The following B4GALT6 variants were observed in gnomAD, a reference collection of about 807,000 sequenced individuals.
The protein encoded by B4GALT6 is beta-1,4-galactosyltransferase 6.
A neutral mutation model predicts 46.3 loss-of-function variants in B4GALT6; 14 were observed. That is an observed-to-expected ratio of 0.30 (90% CI 0.20 to 0.47). The LOEUF is 0.47. B4GALT6 is among the 20% of genes least tolerant of loss of function. The pLI, the probability that B4GALT6 is intolerant of heterozygous loss-of-function variation, is 0.99. For synonymous variants in B4GALT6, 168 were observed against 162.0 expected, an observed-to-expected ratio of 1.04 and a Z score of -0.28; for missense variants, 386 against 480.1, an observed-to-expected ratio of 0.80 and a Z score of 1.83.
At chr18:31,715,535 GTCTT>G in the B4GALT6 span, among the ~76,000 whole-genome samples, 5 of 94,418 alleles carry the variant, frequency 5.3e-5, no homozygotes, top group South Asian at 4.0e-4. Flanking sequence ...GTCTGGAACT[GTCTT>G]TTTTTTTTTT....
intron 6 of B4GALT6, 117 bp downstream of exon 6, chr18:31,630,842 T>A: frequency 1.8e-6 from 2 of 1,105,140 alleles, no homozygotes; most frequent in Non-Finnish European, 2.6e-6. Context: ...GAGTTAAAGA[T>A]GATATTCTTG....
chr18:31,678,876 C>A (rs914303939), intron 1 of B4GALT6, among the ~76,000 whole-genome samples: 6 of 152,224 alleles, frequency 3.9e-5, no homozygotes, highest in African/African-American at 1.4e-4. Context: ...CAGCTAGAAC[C>A]ATCAGAGATG....
At chr18:31,714,539 T>G in the B4GALT6 span, among the ~76,000 whole-genome samples, 6 of 152,210 alleles carry the variant, frequency 3.9e-5, no homozygotes, top group Non-Finnish European at 8.8e-5. Context: ...GCTTTGGGAC[T>G]CTGGGACTTA....
intron 2 of B4GALT6, among the ~76,000 whole-genome samples, chr18:31,660,676 T>C (rs376936018): frequency 2.0e-5 from 3 of 150,770 alleles, no homozygotes; most frequent in Non-Finnish European, 4.4e-5. Context: ...AGAAAAAGAA[T>C]TGAAAAACGA....
rs1456894260 is a variant in B4GALT6, at chr18:31,634,012, T to C, written c.589-2866A>G. 2.6e-5 allele frequency among the ~76,000 whole-genome samples: 4 copies of C among 152,238 alleles called. No individual in the cohort carries two copies. In the East Asian group the frequency reaches 7.7e-4, roughly 29 times the overall value. On this transcript the variant is annotated intron_variant, in intron 5 of 8. Transcript: ENST00000306851. ...AAAGTGACAGGCTGGCCTTTTCTTT[T>C]GGAGACCTTCAAATATCAGATCTGG...
At chr18:31,724,265 G>A in the B4GALT6 span, 1 of 385,676 alleles carries the variant, frequency 2.6e-6, no homozygotes, top group Non-Finnish European at 4.6e-6. Flanking sequence ...CGCTTGTCTT[G>A]TCCCGGCTGC....
At chr18:31,650,677 A>G (rs1163199803) in intron 3 of B4GALT6, among the ~76,000 whole-genome samples, 1 of 152,134 alleles carries the variant, frequency 6.6e-6, no homozygotes, top group Non-Finnish European at 1.5e-5. Flanking sequence ...TTTTCTCTTA[A>G]ATCAGATAAA....
chr18:31,648,001 A>G lies in B4GALT6; in HGVS notation c.347-2522T>C, dbSNP rs76895958. On this transcript the variant is annotated intron_variant, in intron 3 of 8. Transcript: ENST00000306851. ...CTGCTTTAAAAACAAAACAAAAGGC[A>G]TCGGAAAACCACCTGCTATGAATGA... Among the ~76,000 whole-genome samples, 626 of 152,238 alleles carry G rather than the reference A, an allele frequency of 4.1e-3. 2 individuals are homozygous for G. The highest frequency in any genetic ancestry group is 0.015 in the African/African-American group (603 of 41,540).
In B4GALT6 at chr18:31,648,979, G is replaced by A. The variant is rs573022172; in HGVS notation, c.347-3500C>T. 7.2e-5 allele frequency among the ~76,000 whole-genome samples: 11 copies of A among 152,302 alleles called. No homozygotes were observed. The South Asian group carries it at 2.3e-3, about 32-fold the overall frequency. ...GTTTTAAATGTTCACAGCTCAAAGA[G>A]CTGATGACAGTGTCAGAGAAAGACC... On this transcript the variant is annotated intron_variant, in intron 3 of 8. Transcript: ENST00000306851.
intron 2 of B4GALT6, among the ~76,000 whole-genome samples, chr18:31,660,122 C>T (rs1436900102): frequency 6.6e-6 from 1 of 151,714 alleles, no homozygotes; most frequent in African/African-American, 2.4e-5. Context: ...CCACACCCAG[C>T]TAATTTTGTA....
At chr18:31,681,010 C>T (rs2074473614) in intron 1 of B4GALT6, among the ~76,000 whole-genome samples, 2 of 152,258 alleles carry the variant, frequency 1.3e-5, no homozygotes, top group Admixed American at 1.3e-4. Context: ...CCAGCCCTCA[C>T]TTCCCACCAC....
upstream of B4GALT6, chr18:31,684,723 G>A: frequency 1.8e-6 from 2 of 1,138,714 alleles, no homozygotes; most frequent in Non-Finnish European, 2.2e-6. Flanking sequence ...AAGAAAGCCG[G>A]GGAAGGGCGA....
the B4GALT6 span, among the ~76,000 whole-genome samples, chr18:31,701,142 G>A: frequency 1.3e-5 from 2 of 152,210 alleles, no homozygotes; most frequent in South Asian, 4.1e-4. Context: ...AATGTTGGAG[G>A]TGGAGCCTAG....
chr18:31,682,850 A>G (rs1028562650), intron 1 of B4GALT6, among the ~76,000 whole-genome samples: 1 of 152,216 alleles, frequency 6.6e-6, no homozygotes, highest in Non-Finnish European at 1.5e-5. Flanking sequence ...GAGTTAATTT[A>G]TAAGACTCCA....
intron 1 of B4GALT6, among the ~76,000 whole-genome samples, chr18:31,668,329 G>T (rs1372931050): frequency 6.6e-6 from 1 of 152,026 alleles, no homozygotes; most frequent in African/African-American, 2.4e-5. Context: ...GACAAAGCGG[G>T]GCAGAAGTTT....
chr18:31,697,095 A>G, the B4GALT6 span, among the ~76,000 whole-genome samples: 25 of 152,182 alleles, frequency 1.6e-4, no homozygotes, highest in East Asian at 4.3e-3. Context: ...GCATGGCAAA[A>G]TCCCATCTCT....
the B4GALT6 span, among the ~76,000 whole-genome samples, chr18:31,705,292 A>C: frequency 6.6e-6 from 1 of 152,256 alleles, no homozygotes; most frequent in Non-Finnish European, 1.5e-5. Flanking sequence ...CAAGGAGAGT[A>C]CCACATGTGC....
chr18:31,697,361 T>C, the B4GALT6 span, among the ~76,000 whole-genome samples: 1 of 149,532 alleles, frequency 6.7e-6, no homozygotes, highest in Admixed American at 6.8e-5. Flanking sequence ...CATCATGAGT[T>C]AATAGAAATT....
intron 6 of B4GALT6, among the ~76,000 whole-genome samples, chr18:31,629,512 T>G (rs1328345481): frequency 2.9e-5 from 4 of 136,280 alleles, no homozygotes; most frequent in Admixed American, 2.3e-4. Context: ...GGATCTAATG[T>G]GATTCTAGCA....
Sources: gnomAD v4.1 joint callset for allele counts (sites outside exome capture counted in the v4.1 genomes callset) on GRCh38, gnomAD v4.1.1 for gene constraint, MANE v1.5 for transcripts, NCBI Gene and HGNC (gene_info 2026-07-23, HGNC 2026-07-21) for gene names.